The following PREX2 variants were observed in gnomAD, a reference collection of about 807,000 sequenced individuals.
The protein encoded by PREX2 is phosphatidylinositol 3,4,5-trisphosphate-dependent Rac exchanger 2 protein.
A neutral mutation model predicts 203.2 loss-of-function variants in PREX2; 107 were observed. The observed-to-expected ratio is 0.53, with a 90% CI of 0.45 to 0.62. The LOEUF is 0.62. Among genes scored for constraint, PREX2 ranks in the 20% least tolerant of loss-of-function variants. The pLI, the probability that PREX2 is intolerant of heterozygous loss-of-function variation, is 0.00. For synonymous variants in PREX2, 672 were observed against 663.6 expected, an observed-to-expected ratio of 1.01 and a Z score of -0.19; for missense variants, 1,777 against 1,955.9, an observed-to-expected ratio of 0.91 and a Z score of 1.72.
intron 15 of PREX2, among the ~76,000 whole-genome samples, chr8:68,078,768 CA>C (rs1258939412): frequency 6.6e-6 from 1 of 150,960 alleles, no homozygotes; most frequent in Non-Finnish European, 1.5e-5. Context: ...TGAAAACCTT[CA>C]AAAGTTTCAA....
At chr8:68,093,789 C>A (rs1050219073) in intron 21 of PREX2, 67 bp downstream of exon 21, 1 of 799,268 alleles carries the variant, frequency 1.3e-6, no homozygotes, top group Non-Finnish European at 2.1e-6. Flanking sequence ...TGCCTACTCC[C>A]AAATATTGAA....
At chr8:68,130,253 G>C (rs187105752) in intron 31 of PREX2, among the ~76,000 whole-genome samples, 229 of 152,072 alleles carry the variant, frequency 1.5e-3, no homozygotes, top group Non-Finnish European at 2.3e-3. Context: ...TCGTGCCACT[G>C]TACTCCAGCC....
intron 31 of PREX2, among the ~76,000 whole-genome samples, chr8:68,131,717 T>G (rs755268730): frequency 9.8e-5 from 15 of 152,308 alleles, no homozygotes; most frequent in Middle Eastern, 3.4e-3. Flanking sequence ...AAAAGAACTT[T>G]TTCACAAAAG....
chr8:68,205,712 T>C (rs949698041), intron 37 of PREX2, among the ~76,000 whole-genome samples: 1 of 152,232 alleles, frequency 6.6e-6, no homozygotes, highest in Admixed American at 6.5e-5. Context: ...TTCACAGTCG[T>C]GCTCTGTAAA....
intron 1 of PREX2, among the ~76,000 whole-genome samples, chr8:67,977,470 T>C (rs545345742): frequency 6.6e-6 from 1 of 152,306 alleles, no homozygotes; most frequent in East Asian, 1.9e-4. Flanking sequence ...ATATTGTGAT[T>C]TTTTTTCTTA....
chr8:68,069,905 C>T, intron 13 of PREX2, 21 bp downstream of exon 13: 1 of 1,399,768 alleles, frequency 7.1e-7, no homozygotes, highest in Non-Finnish European at 1.0e-6. Context: ...TTTTTAAGTT[C>T]TGGGAAACTT....
intron 31 of PREX2, among the ~76,000 whole-genome samples, chr8:68,132,597 A>G (rs1811030211): frequency 6.6e-6 from 1 of 152,174 alleles, no homozygotes; most frequent in Non-Finnish European, 1.5e-5. Context: ...ATGGTTATTA[A>G]AAACAGATGT....
intron 7 of PREX2, among the ~76,000 whole-genome samples, chr8:68,040,230 T>G (rs778813424): frequency 1.3e-5 from 2 of 152,136 alleles, no homozygotes; most frequent in African/African-American, 2.4e-5. Context: ...TCTCACTGTA[T>G]TTCCCAGGCT....
intron 39 of PREX2, among the ~76,000 whole-genome samples, chr8:68,229,746 C>T (rs1434344223): frequency 6.6e-6 from 1 of 152,190 alleles, no homozygotes; most frequent in Non-Finnish European, 1.5e-5. Flanking sequence ...CATTCGCCAC[C>T]CATCTTCCCA....
intron 1 of PREX2, among the ~76,000 whole-genome samples, chr8:67,970,351 A>G (rs1420741405): frequency 2.6e-5 from 4 of 152,246 alleles, no homozygotes; most frequent in South Asian, 2.1e-4. Context: ...CACCAAACCT[A>G]AAATGAGAAC....
chr8:68,003,586 G>A (rs570614074), intron 1 of PREX2, among the ~76,000 whole-genome samples: 2 of 152,132 alleles, frequency 1.3e-5, no homozygotes, highest in Non-Finnish European at 1.5e-5. Context: ...GAGAGGAAAC[G>A]AGTTCTGGAG....
At chr8:68,013,825 T>A (rs553489349) in intron 1 of PREX2, among the ~76,000 whole-genome samples, 1 of 152,342 alleles carries the variant, frequency 6.6e-6, no homozygotes, top group South Asian at 2.1e-4. Flanking sequence ...GACAGGGTGC[T>A]GCTAAATAGT....
At chr8:68,155,873 C>G (rs1251777086) in intron 34 of PREX2, among the ~76,000 whole-genome samples, 1 of 151,990 alleles carries the variant, frequency 6.6e-6, no homozygotes, top group Admixed American at 6.6e-5. Context: ...AATTTATATG[C>G]TTTTCAAAAT....
chr8:67,970,418 T>C (rs1109612), intron 1 of PREX2, among the ~76,000 whole-genome samples: 33,561 of 152,094 alleles, frequency 0.22, 4,790 homozygotes, highest in East Asian at 0.54. Flanking sequence ...AACAACATGG[T>C]ATTAATTATG....
intron 35 of PREX2, among the ~76,000 whole-genome samples, chr8:68,158,465 T>C (rs1288436535): frequency 6.6e-6 from 1 of 152,040 alleles, no homozygotes; most frequent in Non-Finnish European, 1.5e-5. Context: ...TTAGCAGCAA[T>C]TACAAATAGA....
intron 1 of PREX2, among the ~76,000 whole-genome samples, chr8:67,989,409 A>C (rs1806532336): frequency 6.6e-6 from 1 of 152,184 alleles, no homozygotes; most frequent in Non-Finnish European, 1.5e-5. Context: ...TGGTTAAATG[A>C]AATATTAGGT....
At chr8:68,117,872 G>T (rs938786383) in intron 26 of PREX2, among the ~76,000 whole-genome samples, 1 of 152,108 alleles carries the variant, frequency 6.6e-6, no homozygotes, top group Non-Finnish European at 1.5e-5. Context: ...ACCAGAAAGG[G>T]ACAGAAATCA....
At chr8:68,136,759 G>A (rs11776536) in intron 32 of PREX2, among the ~76,000 whole-genome samples, 17,296 of 152,218 alleles carry the variant, frequency 0.11, 1,262 homozygotes, top group East Asian at 0.2. Context: ...AAAGGTGACA[G>A]TTCTTCCAAC....
At position 68,039,315 on chromosome 8, in the gene PREX2, C is replaced by T. The variant is rs184009446; in HGVS notation, c.839+1023C>T. ...TTACTCCAGTGGTCACTTTTCTGCTCTTTAAGGTTTTGTTTGTTTTTGTAG... is the reference window on the plus strand; with the variant it reads ...TTACTCCAGTGGTCACTTTTCTGCTTTTTAAGGTTTTGTTTGTTTTTGTAG... On this transcript the variant is annotated intron_variant, in intron 7 of 39. Coordinates refer to ENST00000288368, the MANE Select transcript of PREX2 (RefSeq NM_024870.4). Among the ~76,000 whole-genome samples, 60 of 152,248 alleles carry T rather than the reference C, an allele frequency of 3.9e-4. No individual in the cohort carries two copies. The Middle Eastern group carries it at 0.014, about 35-fold the overall frequency.
Sources: allele counts gnomAD v4.1 joint callset (sites outside exome capture counted in the v4.1 genomes callset), GRCh38; gene constraint gnomAD v4.1.1; transcripts MANE v1.5; gene names NCBI Gene and HGNC (gene_info 2026-07-23, HGNC 2026-07-21).